TRIM64B: variants seen among roughly 807,000 people sequenced by gnomAD.
TRIM64B encodes tripartite motif containing 64B.
For synonymous variants in TRIM64B, 17 were observed against 190.3 expected, an observed-to-expected ratio of 0.09 and a Z score of 7.50; for missense variants, 57 against 536.4, an observed-to-expected ratio of 0.11 and a Z score of 8.83.
At chr11:89,877,609 C>CTTTTTTTTTTTT (rs1280189775), upstream of TRIM64B, among the ~76,000 whole-genome samples, 7 of 141,518 alleles carry the variant, frequency 4.9e-5, no homozygotes, top group South Asian at 2.2e-4. Context: ...TTTTCTTTTT[C>CTTTTTTTTTTTT]TTTTTTTTTT....
At chr11:89,877,656 G>C (rs920353279), upstream of TRIM64B, among the ~76,000 whole-genome samples, 3 of 142,070 alleles carry the variant, frequency 2.1e-5, no homozygotes, top group African/African-American at 7.8e-5. Flanking sequence ...GTCTCACTCT[G>C]TTACGCAGGC....
At position 89,873,216 on chromosome 11, in the gene TRIM64B, T is replaced by C. The variant is rs528406329; in HGVS notation, c.758+52A>G. ...TACTCAAAATGATACATCCCCTTCA[T>C]TCGCAAGAGAACAAACTTTTCAGAA... is the stretch of plus-strand genomic sequence containing the variant. On this transcript the variant is annotated intron_variant, in intron 4 of 5. Transcript: ENST00000329862. The C allele has an allele frequency of 1.6e-5, 25 of 1,545,022 alleles. No homozygotes were observed. In the African/African-American group the frequency reaches 2.9e-4, roughly 18 times the overall value.
At chr11:89,876,266 A>G (rs1250475930), upstream of TRIM64B, among the ~76,000 whole-genome samples, 93 of 141,020 alleles carry the variant, frequency 6.6e-4, no homozygotes, top group South Asian at 2.4e-3. Flanking sequence ...AGATCCTAAG[A>G]TGTTCAAGTC....
At chr11:89,876,644 C>T (rs1279485416), upstream of TRIM64B, among the ~76,000 whole-genome samples, 6 of 149,368 alleles carry the variant, frequency 4.0e-5, no homozygotes, top group Admixed American at 6.7e-5. Context: ...ATCGCTTGAA[C>T]CCAGGAGGCG....
At position 89,870,870 on chromosome 11, in the gene TRIM64B, G is replaced by A. The variant is rs374447768; in HGVS notation, c.1101C>T (p.Phe367=). The change falls in exon 6 of 6, where the codon TTC becomes TTT. Residue 367 remains phenylalanine (F), a synonymous_variant. Transcript: ENST00000329862. Reference sequence around the variant, plus strand: ...AAAATCTTTCATCAGAATCAATAACGAAATTGGCATCTGCAGTCCTGGAAT... The same window carrying A: ...AAAATCTTTCATCAGAATCAATAACAAAATTGGCATCTGCAGTCCTGGAAT... The A allele has an allele frequency of 3.3e-4, 516 of 1,551,736 alleles. 2 individuals carry two copies. Among genetic ancestry groups the A allele is most frequent in the Non-Finnish European group, 4.1e-4 (471 of 1,146,932 alleles).
At chr11:89,872,770 C>T (rs1179846143) in intron 4 of TRIM64B, among the ~76,000 whole-genome samples, 4 of 151,768 alleles carry the variant, frequency 2.6e-5, no homozygotes, top group African/African-American at 9.8e-5. Context: ...AGCCTGAGAA[C>T]CCTGCTGCTG....
At chr11:89,872,405 C>T in intron 4 of TRIM64B, 93 bp from the exon 6 acceptor site, 1 of 1,534,324 alleles carries the variant, frequency 6.5e-7, no homozygotes, top group East Asian at 2.5e-5. Context: ...GATGTTTCCT[C>T]ACAATTCTGC....
upstream of TRIM64B, among the ~76,000 whole-genome samples, chr11:89,876,367 T>C (rs1225219438): frequency 6.8e-6 from 1 of 147,370 alleles, no homozygotes; most frequent in East Asian, 2.0e-4. Flanking sequence ...CCTAATACAA[T>C]GTAAATGCTG....
At chr11:89,872,723 C>T (rs1950123974) in intron 4 of TRIM64B, among the ~76,000 whole-genome samples, 3 of 151,758 alleles carry the variant, frequency 2.0e-5, no homozygotes, top group Admixed American at 1.3e-4. Flanking sequence ...AGGCAAAAGG[C>T]TTTAATCTTT....
upstream of TRIM64B, among the ~76,000 whole-genome samples, chr11:89,877,959 C>A (rs1950175779): frequency 6.7e-6 from 1 of 148,380 alleles, no homozygotes; most frequent in Non-Finnish European, 1.5e-5. Context: ...ATCTAGTCTG[C>A]AAATTGCAAA....
At chr11:89,876,740 A>AAG (rs1555095597), upstream of TRIM64B, among the ~76,000 whole-genome samples, 9 of 149,148 alleles carry the variant, frequency 6.0e-5, no homozygotes, top group African/African-American at 2.2e-4. Context: ...AAAAAAAAAA[A>AAG]GTACATATTC....
At chr11:89,876,657 G>A (rs1950166608), upstream of TRIM64B, among the ~76,000 whole-genome samples, 1 of 148,920 alleles carries the variant, frequency 6.7e-6, no homozygotes, top group Non-Finnish European at 1.5e-5. Context: ...AGGAGGCGGA[G>A]GTTGCAGTGA....
At chr11:89,871,364 A>G (rs1950106064) in intron 5 of TRIM64B, among the ~76,000 whole-genome samples, 1 of 152,220 alleles carries the variant, frequency 6.6e-6, no homozygotes, top group East Asian at 1.9e-4. Flanking sequence ...TAATGTCTAC[A>G]TCTGCATAGT....
At chr11:89,877,602 T>C (rs1221234120), upstream of TRIM64B, among the ~76,000 whole-genome samples, 5 of 147,232 alleles carry the variant, frequency 3.4e-5, no homozygotes, top group East Asian at 1.0e-3. Flanking sequence ...TCTTTCTTTT[T>C]CTTTTTCTTT....
upstream of TRIM64B, among the ~76,000 whole-genome samples, chr11:89,877,898 A>G (rs1248870115): frequency 1.3e-5 from 2 of 149,314 alleles, no homozygotes; most frequent in East Asian, 3.9e-4. Context: ...CTAGGCTGCA[A>G]ACATGAGCCA....
Position 89,874,070 on chromosome 11 carries a change from C to T in TRIM64B, c.714G>A (p.Met238Ile), listed in dbSNP as rs1376835793. ...TCACCTGGAGCAGCACCACGTCAGG[C>T]ATGTGGCATGTCTCCCACAGCTCTC... is the stretch of plus-strand genomic sequence containing the variant. The change falls in exon 3 of 6, where the codon ATG (methionine) becomes ATA (isoleucine). Residue 238 changes from methionine (M) to isoleucine (I), a missense_variant. Met to Ile is a conservative substitution (Grantham distance 10, BLOSUM62 1). Transcript: ENST00000329862. 3.9e-6 allele frequency: 6 copies of T among 1,549,478 alleles called. No homozygotes were observed. The African/African-American group carries it at 5.5e-5, about 14-fold the overall frequency.
At chr11:89,877,740 C>T (rs1950174325), upstream of TRIM64B, among the ~76,000 whole-genome samples, 1 of 149,442 alleles carries the variant, frequency 6.7e-6, no homozygotes, top group South Asian at 2.1e-4. Context: ...CTGCCGCAGC[C>T]TCCTGAGTAG....
At chr11:89,877,673 G>T (rs1175909490), upstream of TRIM64B, among the ~76,000 whole-genome samples, 2 of 148,850 alleles carry the variant, frequency 1.3e-5, no homozygotes, top group Admixed American at 6.7e-5. Context: ...AGGCTGGAGT[G>T]CAGTGGCACG....
At chr11:89,872,925 T>C (rs1366709973) in intron 4 of TRIM64B, among the ~76,000 whole-genome samples, 1 of 110,604 alleles carries the variant, frequency 9.0e-6, no homozygotes, top group African/African-American at 5.3e-5. Flanking sequence ...CCTCTGTCTT[T>C]TTTTTTTTTT....
Sources: allele counts gnomAD v4.1 joint callset (sites outside exome capture counted in the v4.1 genomes callset), GRCh38; gene constraint gnomAD v4.1.1; transcripts MANE v1.5; gene names NCBI Gene and HGNC (gene_info 2026-07-23, HGNC 2026-07-21).